Variants in CDH7 observed in about 807,000 individuals in gnomAD.
CDH7 encodes cadherin 7, also known as cadherin-7.
CDH7 carries 25 observed loss-of-function variants against 71.8 expected under a neutral mutation model. The ratio of observed to expected loss-of-function variants is 0.35; its 90% CI spans 0.25 to 0.49. The LOEUF (loss-of-function observed/expected upper bound fraction) is 0.49, where lower values mean the gene tolerates loss of function less well. Ranked by LOEUF, CDH7 falls within the 20% of genes least tolerant of loss-of-function variation. The pLI is 0.99. For missense variants in CDH7, 862 were observed against 974.6 expected (o/e 0.88, Z 1.54); for synonymous variants, 381 against 363.8 (o/e 1.05, Z -0.54).
At chr18:65,782,826 G>A (rs1460952602) in intron 2 of CDH7, among the ~76,000 whole-genome samples, 7 of 152,108 alleles carry the variant, frequency 4.6e-5, no homozygotes, top group Admixed American at 6.6e-5. Context: ...TAACATACAT[G>A]TTTCTTCCCT....
intron 5 of CDH7, among the ~76,000 whole-genome samples, chr18:65,823,019 T>C (rs1911993043): frequency 6.6e-6 from 1 of 151,908 alleles, no homozygotes; most frequent in Non-Finnish European, 1.5e-5. Flanking sequence ...GACCATAATG[T>C]CTGTACAATG....
intron 6 of CDH7, among the ~76,000 whole-genome samples, chr18:65,835,780 A>C (rs2143969780): frequency 6.6e-6 from 1 of 152,320 alleles, no homozygotes; most frequent in Admixed American, 6.5e-5. Context: ...AGACTACCTA[A>C]GTTCAGAGTA....
At chr18:65,802,757 G>A (rs1438155403) in intron 2 of CDH7, among the ~76,000 whole-genome samples, 1 of 152,220 alleles carries the variant, frequency 6.6e-6, no homozygotes, top group Non-Finnish European at 1.5e-5. Context: ...TGTGAGAGTT[G>A]TGGATCTGGT....
intron 3 of CDH7, among the ~76,000 whole-genome samples, chr18:65,813,743 A>G (rs1392462808): frequency 6.6e-6 from 1 of 152,140 alleles, no homozygotes; most frequent in Non-Finnish European, 1.5e-5. Context: ...AAAAAGGAAA[A>G]CAGATCAGAA....
At chr18:65,870,402 C>T (rs1259954158) in intron 11 of CDH7, among the ~76,000 whole-genome samples, 2 of 152,164 alleles carry the variant, frequency 1.3e-5, no homozygotes, top group Admixed American at 6.5e-5. Context: ...CTGATCACAA[C>T]CAGACAGTGG....
chr18:65,818,831 A>T (rs1599027821), intron 4 of CDH7, among the ~76,000 whole-genome samples: 1 of 152,118 alleles, frequency 6.6e-6, no homozygotes, highest in East Asian at 1.9e-4. Context: ...CATGTATTTT[A>T]AATGATTTTT....
intron 1 of CDH7, among the ~76,000 whole-genome samples, 164 bp from the exon 2 acceptor site, chr18:65,762,483 T>A (rs968985461): frequency 1.3e-5 from 2 of 152,118 alleles, no homozygotes; most frequent in Admixed American, 6.6e-5. Flanking sequence ...ATATTATAAT[T>A]TTCTAAGTAT....
chr18:65,826,566 A>T (rs528423792), intron 6 of CDH7, among the ~76,000 whole-genome samples: 1 of 150,822 alleles, frequency 6.6e-6, no homozygotes, highest in East Asian at 2.0e-4. Flanking sequence ...AGTCTTTCAC[A>T]TTTTATGAAA....
chr18:65,822,460 C>T (rs1466989357), intron 5 of CDH7, among the ~76,000 whole-genome samples: 1 of 151,964 alleles, frequency 6.6e-6, no homozygotes, highest in East Asian at 1.9e-4. Context: ...CATATATTTG[C>T]ATTACTTCTA....
At chr18:65,793,875 G>C (rs1242896519) in intron 2 of CDH7, among the ~76,000 whole-genome samples, 1 of 151,958 alleles carries the variant, frequency 6.6e-6, no homozygotes, top group South Asian at 2.1e-4. Flanking sequence ...ACTTTGATTT[G>C]GCTTTTCTTG....
chr18:65,884,456 G>C lies in CDH7; in HGVS notation c.*3562G>C, dbSNP rs1039448426. ...TTAGTTGTCTACAAGATACATGCAGGAGGTAGTAGTGGTTAAGTAATGGTA... is the reference window on the plus strand; with the variant it reads ...TTAGTTGTCTACAAGATACATGCAGCAGGTAGTAGTGGTTAAGTAATGGTA... On this transcript the variant is annotated 3_prime_UTR_variant, in exon 12 of 12. Coordinates refer to ENST00000397968, the MANE Select transcript of CDH7 (RefSeq NM_004361.5). 6.6e-6 allele frequency: 1 copy of C among 152,144 alleles called. No homozygotes were observed. Among genetic ancestry groups the C allele is most frequent in the Non-Finnish European group, 1.5e-5 (1 of 68,020 alleles). The allele number at this position is 152,144 out of a possible 1,614,324, so 9.4% of individuals were successfully genotyped here.
At position 65,877,548 on chromosome 18, in the gene CDH7, C is replaced by A. The variant is rs571690675; in HGVS notation, c.1865-2853C>A. 1.8e-4 allele frequency among the ~76,000 whole-genome samples: 27 copies of A among 152,170 alleles called. 1 individual carries two copies. The South Asian group carries it at 5.2e-3, about 29-fold the overall frequency. On this transcript the variant is annotated intron_variant, in intron 11 of 11. Coordinates refer to ENST00000397968, the MANE Select transcript of CDH7 (RefSeq NM_004361.5). ...CCCTCTTTATACCCTTACTGACTCT[C>A]ATACTCATTCATTTCTTACACCCTT...
At chr18:65,801,262 G>A (rs548981611) in intron 2 of CDH7, among the ~76,000 whole-genome samples, 2 of 152,236 alleles carry the variant, frequency 1.3e-5, no homozygotes, top group African/African-American at 2.4e-5. Flanking sequence ...GAAACAAACA[G>A]GCTAGATTCA....
chr18:65,861,420 A>AG (rs1480272631), intron 10 of CDH7, among the ~76,000 whole-genome samples: 16 of 115,524 alleles, frequency 1.4e-4, no homozygotes, highest in African/African-American at 9.8e-4. Context: ...TTTTTGTATC[A>AG]AGTCATAAAT....
intron 10 of CDH7, among the ~76,000 whole-genome samples, chr18:65,862,094 T>A (rs868218014): frequency 6.6e-6 from 1 of 152,126 alleles, no homozygotes; most frequent in Non-Finnish European, 1.5e-5. Context: ...ACTGACAAAA[T>A]GTTTATACAC....
chr18:65,780,878 T>C (rs1490974552), intron 2 of CDH7, among the ~76,000 whole-genome samples: 4 of 151,900 alleles, frequency 2.6e-5, no homozygotes, highest in Non-Finnish European at 5.9e-5. Context: ...CTCCTTCAGT[T>C]TTGCACCCTT....
At chr18:65,842,362 A>G (rs1396422414) in intron 6 of CDH7, among the ~76,000 whole-genome samples, 1 of 151,682 alleles carries the variant, frequency 6.6e-6, no homozygotes, top group East Asian at 1.9e-4. Flanking sequence ...AGATATTGTA[A>G]GCCTATTTTG....
chr18:65,781,832 T>TCTCTGTC (rs1568181542), intron 2 of CDH7, among the ~76,000 whole-genome samples: 6 of 85,918 alleles, frequency 7.0e-5, no homozygotes, highest in African/African-American at 5.3e-4. Flanking sequence ...CTTTCTTTCT[T>TCTCTGTC]TCTTTCTTTC....
intron 2 of CDH7, among the ~76,000 whole-genome samples, chr18:65,771,903 T>C (rs931359275): frequency 6.6e-6 from 1 of 152,074 alleles, no homozygotes; most frequent in Non-Finnish European, 1.5e-5. Flanking sequence ...TCTTTGTCTT[T>C]TTTAAGATAA....
Sources: allele counts gnomAD v4.1 joint callset (sites outside exome capture counted in the v4.1 genomes callset), GRCh38; gene constraint gnomAD v4.1.1; transcripts MANE v1.5; gene names NCBI Gene and HGNC (gene_info 2026-07-23, HGNC 2026-07-21).